Variants in IQSEC1 observed in about 807,000 individuals in gnomAD.
IQSEC1 encodes IQ motif and Sec7 domain ArfGEF 1.
IQSEC1 carries 31 observed loss-of-function variants against 91.0 expected under a neutral mutation model. The ratio of observed to expected loss-of-function variants is 0.34; its 90% CI spans 0.26 to 0.46. The LOEUF is 0.46. Ranked by LOEUF, IQSEC1 falls within the 20% of genes least tolerant of loss-of-function variation. IQSEC1 has a pLI of 1.00. For synonymous variants in IQSEC1, 699 were observed against 662.6 expected (o/e 1.05, Z -0.84); for missense variants, 1,388 against 1,575.6 (o/e 0.88, Z 2.02).
At chr3:13,233,254 C>T (rs993790143) in intron 1 of IQSEC1, among the ~76,000 whole-genome samples, 6 of 152,178 alleles carry the variant, frequency 3.9e-5, no homozygotes, top group Non-Finnish European at 8.8e-5. Context: ...TGGGCACCTG[C>T]GTGCCAACAA....
chr3:13,043,890 CT>C (rs1373203687), intron 1 of IQSEC1, among the ~76,000 whole-genome samples: 1 of 152,188 alleles, frequency 6.6e-6, no homozygotes, highest in African/African-American at 2.4e-5. Context: ...GTCTTGCTAC[CT>C]CCCCACTCCC....
chr3:13,140,589 C>T (rs1706783471), intron 2 of IQSEC1, among the ~76,000 whole-genome samples: 1 of 152,170 alleles, frequency 6.6e-6, no homozygotes, highest in African/African-American at 2.4e-5. Context: ...AAGTCATCAA[C>T]GTGGGACAGA....
chr3:13,186,279 T>A (rs2125025896), intron 1 of IQSEC1, among the ~76,000 whole-genome samples: 1 of 152,302 alleles, frequency 6.6e-6, no homozygotes, highest in East Asian at 1.9e-4. Flanking sequence ...GGGTGGAAGC[T>A]CTGTAAATAT....
intron 1 of IQSEC1, among the ~76,000 whole-genome samples, chr3:13,227,516 G>T (rs995295935): frequency 3.9e-5 from 6 of 152,096 alleles, no homozygotes; most frequent in African/African-American, 1.4e-4. Flanking sequence ...TCAGAGGGGT[G>T]ATAGTGACAC....
chr3:13,174,946 T>C (rs1380161606), intron 1 of IQSEC1, among the ~76,000 whole-genome samples: 3 of 151,918 alleles, frequency 2.0e-5, no homozygotes, highest in Admixed American at 1.3e-4. Flanking sequence ...TGGCTCCTGC[T>C]GGTCCCTCCT....
chr3:13,240,801 C>G (rs989859582), intron 1 of IQSEC1, among the ~76,000 whole-genome samples: 1 of 152,152 alleles, frequency 6.6e-6, no homozygotes, highest in Non-Finnish European at 1.5e-5. Context: ...GGCAGAGTTG[C>G]GGCAGGCAGA....
At position 13,208,405 on chromosome 3, in the gene IQSEC1, G is replaced by C. The variant is rs114203025; in HGVS notation, c.273-44272C>G. ...CTAAGAGCCTTAGCTCATTGGCCAC[G>C]TCTCCATGCCTCTGCAAAGGCTGTG... On this transcript the variant is annotated intron_variant, in intron 1 of 15. Transcript: ENST00000648114. Among the ~76,000 whole-genome samples the C allele has an allele frequency of 2.0e-3, 305 of 152,182 alleles. 1 individual carries two copies. The highest frequency in any genetic ancestry group is 7.0e-3 in the African/African-American group (291 of 41,502).
At chr3:13,213,191 G>A (rs576064721) in intron 1 of IQSEC1, among the ~76,000 whole-genome samples, 1 of 152,276 alleles carries the variant, frequency 6.6e-6, no homozygotes, top group East Asian at 1.9e-4. Flanking sequence ...CTGACATTTA[G>A]TTACATTTTG....
intron 1 of IQSEC1, among the ~76,000 whole-genome samples, chr3:13,174,841 C>CA (rs1275116020): frequency 6.6e-6 from 1 of 151,472 alleles, no homozygotes; most frequent in Non-Finnish European, 1.5e-5. Context: ...GCTCCCCCCC[C>CA]CCACCTCCTC....
chr3:13,030,581 T>C (rs2125007362), intron 1 of IQSEC1, among the ~76,000 whole-genome samples: 1 of 152,354 alleles, frequency 6.6e-6, no homozygotes, highest in East Asian at 1.9e-4. Flanking sequence ...CATGAGGCAA[T>C]CAGCCTAATC....
chr3:13,132,585 C>G (rs1227312978), intron 2 of IQSEC1, among the ~76,000 whole-genome samples: 1 of 152,176 alleles, frequency 6.6e-6, no homozygotes, highest in Non-Finnish European at 1.5e-5. Context: ...GTTCTCTGGG[C>G]CTTGCCTGGC....
At chr3:13,119,974 G>GAGC (rs1706397528) in intron 2 of IQSEC1, among the ~76,000 whole-genome samples, 2 of 152,188 alleles carry the variant, frequency 1.3e-5, no homozygotes, top group Non-Finnish European at 2.9e-5. Context: ...GCCAACGCTG[G>GAGC]AGGTGGGCCA....
At chr3:13,090,009 A>T (rs1705809473) in intron 2 of IQSEC1, among the ~76,000 whole-genome samples, 1 of 152,148 alleles carries the variant, frequency 6.6e-6, no homozygotes, top group Non-Finnish European at 1.5e-5. Context: ...AGGTCAGGAG[A>T]TCCAGACCAT....
At chr3:13,206,230 C>A (rs1289340204) in intron 1 of IQSEC1, among the ~76,000 whole-genome samples, 25 of 152,070 alleles carry the variant, frequency 1.6e-4, no homozygotes, top group Admixed American at 1.6e-3. Context: ...ATGTATAGGA[C>A]AAAACATCAT....
Position 12,908,235 on chromosome 3 carries a change from C to T in IQSEC1, c.2755+114G>A, listed in dbSNP as rs758755428. 50 of 1,113,008 alleles carry T rather than the reference C, an allele frequency of 4.5e-5. No homozygotes were observed. Among genetic ancestry groups the T allele is most frequent in the Non-Finnish European group, 5.3e-5 (42 of 786,202 alleles). 68.9% of individuals were successfully genotyped at this position (1,113,008 alleles called of 1,614,324 possible). On this transcript the variant is annotated intron_variant, in intron 12 of 13. Coordinates refer to ENST00000613206, the MANE Select transcript of IQSEC1 (RefSeq NM_001134382.3). This position sits in a 1 kb window ranked among gnomAD's most constrained non-coding sequence, Gnocchi z 4.9. ...CTTTGCGGAAGGTCAGGGGAAATGCCGCACTGGCTTCGCCGCAGGCCCTGC... is the reference window on the plus strand; with the variant it reads ...CTTTGCGGAAGGTCAGGGGAAATGCTGCACTGGCTTCGCCGCAGGCCCTGC...
chr3:13,126,694 G>A (rs936882304), intron 2 of IQSEC1, among the ~76,000 whole-genome samples: 2 of 152,232 alleles, frequency 1.3e-5, no homozygotes, highest in African/African-American at 4.8e-5. Flanking sequence ...TTTATGGTCA[G>A]CCATTTTCAT....
At chr3:12,984,489 AGTGCCTGGAG>A (rs1287187507) in intron 1 of IQSEC1, among the ~76,000 whole-genome samples, 1 of 152,266 alleles carries the variant, frequency 6.6e-6, no homozygotes, top group East Asian at 1.9e-4. Flanking sequence ...TACATTTGGG[AGTGCCTGGAG>A]TTCTGCCCCA....
intron 3 of IQSEC1, among the ~76,000 whole-genome samples, chr3:12,927,936 G>C (rs150723270): frequency 3.5e-4 from 54 of 152,282 alleles, no homozygotes; most frequent in African/African-American, 1.2e-3. Flanking sequence ...GAAGGCGAAG[G>C]GGGTAGTGGG....
intron 1 of IQSEC1, among the ~76,000 whole-genome samples, chr3:12,993,589 C>T (rs1414421598): frequency 2.0e-5 from 3 of 152,252 alleles, no homozygotes; most frequent in African/African-American, 7.2e-5. Context: ...ACCAACTGCA[C>T]TGATGAAGAG....
Sources: allele counts gnomAD v4.1 joint callset (sites outside exome capture counted in the v4.1 genomes callset), GRCh38; gene constraint gnomAD v4.1.1; non-coding constraint Gnocchi (gnomAD v3.1); transcripts MANE v1.5; gene names NCBI Gene and HGNC (gene_info 2026-07-23, HGNC 2026-07-21).